CCBE1: variants seen among roughly 807,000 people sequenced by gnomAD.
CCBE1 encodes collagen and calcium-binding EGF domain-containing protein 1.
CCBE1 carries 37 observed loss-of-function variants against 50.0 expected under a neutral mutation model. The observed-to-expected ratio is 0.74, with a 90% CI of 0.57 to 0.97. CCBE1 has a LOEUF of 0.97. CCBE1 is among the 50% of genes least tolerant of loss of function. The probability of loss-of-function intolerance (pLI) is 0.00; values close to 1 mark genes in which losing one functional copy is unlikely to be tolerated. For missense variants in CCBE1, 538 were observed against 523.8 expected (o/e 1.03, Z -0.26); for synonymous variants, 234 against 203.7 (o/e 1.15, Z -1.27).
At chr18:59,569,481 A>C (rs1041015940) in intron 2 of CCBE1, among the ~76,000 whole-genome samples, 2 of 152,218 alleles carry the variant, frequency 1.3e-5, no homozygotes, top group Non-Finnish European at 2.9e-5. Context: ...CAAACTCCCA[A>C]TTTACAGATA....
At chr18:59,454,093 T>C (rs925388688) in intron 6 of CCBE1, among the ~76,000 whole-genome samples, 2 of 152,212 alleles carry the variant, frequency 1.3e-5, no homozygotes, top group African/African-American at 4.8e-5. Context: ...AGAAAGCTGC[T>C]GCACAAGTTC....
At chr18:59,502,156 T>C (rs1185450935) in intron 2 of CCBE1, among the ~76,000 whole-genome samples, 4 of 152,166 alleles carry the variant, frequency 2.6e-5, no homozygotes, top group South Asian at 2.1e-4. Context: ...CTGTGTCACC[T>C]TGGGGTCTGA....
chr18:59,483,242 GA>G (rs11356777), intron 2 of CCBE1, among the ~76,000 whole-genome samples: 47,577 of 138,218 alleles, frequency 0.34, 7,977 homozygotes, highest in East Asian at 0.47. Flanking sequence ...AAAATGTGAT[GA>G]AAAAAATTAT....
At chr18:59,628,608 C>T (rs998168299) in intron 2 of CCBE1, among the ~76,000 whole-genome samples, 26 of 152,204 alleles carry the variant, frequency 1.7e-4, no homozygotes, top group African/African-American at 5.3e-4. Context: ...TAAGATATGA[C>T]GGGATAGAAC....
intron 2 of CCBE1, among the ~76,000 whole-genome samples, chr18:59,529,184 A>C (rs544881131): frequency 3.3e-5 from 5 of 151,950 alleles, no homozygotes; most frequent in Admixed American, 3.3e-4. Context: ...AAATCCCCAC[A>C]GGGAGGCCCT....
At chr18:59,571,687 CAT>C (rs766493411) in intron 2 of CCBE1, among the ~76,000 whole-genome samples, 1 of 152,146 alleles carries the variant, frequency 6.6e-6, no homozygotes, top group African/African-American at 2.4e-5. Context: ...AATGAATAAA[CAT>C]ATGGATGAAA....
intron 3 of CCBE1, among the ~76,000 whole-genome samples, chr18:59,471,373 T>C (rs1912026911): frequency 6.6e-6 from 1 of 152,212 alleles, no homozygotes; most frequent in African/African-American, 2.4e-5. Flanking sequence ...ATTTAACTTT[T>C]TCACGGCCTC....
At chr18:59,562,313 T>G (rs556522243) in intron 2 of CCBE1, among the ~76,000 whole-genome samples, 3 of 152,268 alleles carry the variant, frequency 2.0e-5, no homozygotes, top group Non-Finnish European at 4.4e-5. Context: ...AGAACCTATC[T>G]TTTTAGATTA....
intron 2 of CCBE1, among the ~76,000 whole-genome samples, chr18:59,515,174 A>G (rs1436976970): frequency 6.6e-6 from 1 of 152,238 alleles, no homozygotes; most frequent in Non-Finnish European, 1.5e-5. Flanking sequence ...TAGAAAATGT[A>G]CACGGTTGCA....
rs970691167 is a variant in CCBE1 at position 59,550,614 on chromosome 18, C to A, written c.213-70376G>T. On this transcript the variant is annotated intron_variant, in intron 2 of 10. Transcript: ENST00000439986. Reference sequence around the variant, plus strand: ...TCAGACAAGTTAGGCCTGCCCAAACCGTGAGCCCTGTGACGTTAGAACATT... The same window carrying A: ...TCAGACAAGTTAGGCCTGCCCAAACAGTGAGCCCTGTGACGTTAGAACATT... Among the ~76,000 whole-genome samples, 41 of 152,224 alleles carry A rather than the reference C, an allele frequency of 2.7e-4. 1 individual carries two copies. The Middle Eastern group carries it at 0.01, about 38-fold the overall frequency.
Position 59,513,599 on chromosome 18 carries a change from G to T in CCBE1, c.213-33361C>A, listed in dbSNP as rs902812761. ...CCTAGTTCCATCAAGGAAGACAGGGGTGATCTGCTGGGTGGGAACTTTTGG... is the reference window on the plus strand; with the variant it reads ...CCTAGTTCCATCAAGGAAGACAGGGTTGATCTGCTGGGTGGGAACTTTTGG... On this transcript the variant is annotated intron_variant, in intron 2 of 10. Coordinates refer to ENST00000439986, the MANE Select transcript of CCBE1 (RefSeq NM_133459.4). Among the ~76,000 whole-genome samples the T allele has an allele frequency of 2.0e-5, 3 of 152,212 alleles. No individual in the cohort carries two copies. The South Asian group carries it at 6.2e-4, about 32-fold the overall frequency.
intron 2 of CCBE1, among the ~76,000 whole-genome samples, chr18:59,558,714 A>G (rs1444256928): frequency 6.6e-6 from 1 of 152,216 alleles, no homozygotes; most frequent in East Asian, 1.9e-4. Context: ...ATGGAGAGGA[A>G]GGAGCCAGGA....
At chr18:59,453,546 G>A (rs1009599045) in intron 6 of CCBE1, among the ~76,000 whole-genome samples, 1 of 152,112 alleles carries the variant, frequency 6.6e-6, no homozygotes, top group African/African-American at 2.4e-5. Flanking sequence ...CGTAAAAAAG[G>A]CCTGCAAACC....
intron 2 of CCBE1, among the ~76,000 whole-genome samples, chr18:59,490,301 C>G (rs140849624): frequency 6.6e-6 from 1 of 151,618 alleles, no homozygotes; most frequent in African/African-American, 2.4e-5. Flanking sequence ...CTTATTTTTA[C>G]GTAACAAAAT....
At chr18:59,628,164 T>C (rs142024550) in intron 2 of CCBE1, among the ~76,000 whole-genome samples, 27 of 152,176 alleles carry the variant, frequency 1.8e-4, no homozygotes, top group African/African-American at 6.5e-4. Flanking sequence ...CTGCAGTGAA[T>C]TTTGATCGTG....
intron 5 of CCBE1, among the ~76,000 whole-genome samples, chr18:59,460,498 G>T (rs549646224): frequency 1.3e-5 from 2 of 152,198 alleles, no homozygotes. Flanking sequence ...CGGAATGTGG[G>T]ACTCTTTTTG....
chr18:59,584,251 C>CA (rs965639907), intron 2 of CCBE1, among the ~76,000 whole-genome samples: 5 of 148,346 alleles, frequency 3.4e-5, no homozygotes, highest in African/African-American at 1.2e-4. Context: ...ATCGCAAGGA[C>CA]AAAAAACCAA....
chr18:59,681,310 C>T (rs989347191), intron 2 of CCBE1, among the ~76,000 whole-genome samples: 5 of 152,028 alleles, frequency 3.3e-5, no homozygotes, highest in African/African-American at 7.2e-5. Context: ...GAAGGAGACA[C>T]GTGTTGAAAA....
At chr18:59,519,128 C>G (rs1173787543) in intron 2 of CCBE1, among the ~76,000 whole-genome samples, 1 of 152,106 alleles carries the variant, frequency 6.6e-6, no homozygotes, top group Non-Finnish European at 1.5e-5. Context: ...AACCCACTAC[C>G]GAGTACACCC....
Sources: gnomAD v4.1 joint callset for allele counts (sites outside exome capture counted in the v4.1 genomes callset) on GRCh38, gnomAD v4.1.1 for gene constraint, MANE v1.5 for transcripts, NCBI Gene and HGNC (gene_info 2026-07-23, HGNC 2026-07-21) for gene names.